Variants in ALMS1 observed in about 807,000 individuals in gnomAD.
The protein encoded by ALMS1 is ALMS1 centrosome and basal body associated protein, also known as centrosome-associated protein ALMS1.
ALMS1 carries 271 observed loss-of-function variants against 352.2 expected under a neutral mutation model. The observed-to-expected ratio is 0.77, with a 90% CI of 0.70 to 0.85. The LOEUF (loss-of-function observed/expected upper bound fraction) is 0.85. Ranked by LOEUF, ALMS1 falls within the 40% of genes least tolerant of loss-of-function variation. The pLI is 0.00. For missense variants in ALMS1, 5,445 were observed against 4,870.7 expected, an observed-to-expected ratio of 1.12 and a Z score of -3.51; for synonymous variants, 1,865 against 1,761.2, an observed-to-expected ratio of 1.06 and a Z score of -1.48.
rs776885474 is a variant in ALMS1, at chr2:73,449,664, A to T, written c.3137A>T (p.Gln1046Leu). ...ADQKTEIPAVQSSSYPQREKP... is the reference protein window; with the variant it reads ...ADQKTEIPAVLSSSYPQREKP... The stretch of plus-strand genomic sequence containing the variant: ...CAGAAGACTGAGATACCAGCAGTAC[A>T]GTCTAGTTCTTACCCACAGAGGGAG... The change falls in exon 8 of 23, where the codon CAG becomes CTG. Residue 1046 changes from glutamine to leucine, a missense_variant. Gln to Leu is a moderately radical substitution (Grantham distance 113). Coordinates refer to ENST00000613296, the MANE Select transcript of ALMS1 (RefSeq NM_001378454.1). 1 of 1,613,738 alleles carries T rather than the reference A, an allele frequency of 6.2e-7. No individual in the cohort carries two copies. The highest frequency in any genetic ancestry group is 8.5e-7 in the Non-Finnish European group (1 of 1,179,900).
At chr2:73,500,994 A>G (rs1259395223) in intron 10 of ALMS1, among the ~76,000 whole-genome samples, 1 of 152,128 alleles carries the variant, frequency 6.6e-6, no homozygotes, top group Non-Finnish European at 1.5e-5. Flanking sequence ...CCTTGCCAAC[A>G]CTGGGTATTA....
chr2:73,434,717 TC>T (rs943946990), intron 7 of ALMS1, among the ~76,000 whole-genome samples: 2 of 152,196 alleles, frequency 1.3e-5, no homozygotes, highest in African/African-American at 2.4e-5. Flanking sequence ...TGTCTATTTC[TC>T]CCCTTTTTTC....
At chr2:73,547,161 G>C (rs1023767102) in intron 12 of ALMS1, among the ~76,000 whole-genome samples, 3 of 152,160 alleles carry the variant, frequency 2.0e-5, no homozygotes, top group Non-Finnish European at 4.4e-5. Flanking sequence ...TAAATGTTCT[G>C]ATTATGTTTA....
intron 9 of ALMS1, among the ~76,000 whole-genome samples, chr2:73,479,430 ATAAC>A (rs1426575236): frequency 6.6e-6 from 1 of 152,182 alleles, no homozygotes; most frequent in Non-Finnish European, 1.5e-5. Flanking sequence ...CTTTGTTTCT[ATAAC>A]TTTGTAATTT....
Position 73,386,103 on chromosome 2 carries a change from T to C in ALMS1, c.235T>C (p.Trp79Arg), listed in dbSNP as rs754662930. 6.3e-7 allele frequency: 1 copy of C among 1,592,266 alleles called. No individual in the cohort carries two copies. The highest frequency in any genetic ancestry group is 1.1e-5 in the South Asian group (1 of 87,410). The part of the protein sequence containing the change: ...DDEEDEEAKA[W>R]LQAHPGRILP... Reference sequence around the variant, plus strand: ...CGAGGAGGACGAGGAGGCCAAGGCCTGGCTGCAGGCGCACCCCGGCAGGAT... The same window carrying C: ...CGAGGAGGACGAGGAGGCCAAGGCCCGGCTGCAGGCGCACCCCGGCAGGAT... The change falls in exon 1 of 23, where the codon TGG becomes CGG. Residue 79 changes from tryptophan to arginine, a missense_variant. Coordinates refer to ENST00000613296, the MANE Select transcript of ALMS1 (RefSeq NM_001378454.1).
chr2:73,599,628 A>C, intron 17 of ALMS1, 107 bp downstream of exon 17: 5 of 1,323,810 alleles, frequency 3.8e-6, no homozygotes. Flanking sequence ...ATAAAACTAT[A>C]TCCAACTGCC....
At chr2:73,485,467 G>A (rs1225130792) in intron 9 of ALMS1, among the ~76,000 whole-genome samples, 1 of 152,230 alleles carries the variant, frequency 6.6e-6, no homozygotes, top group African/African-American at 2.4e-5. Context: ...GAGAACCACT[G>A]CTCTCTTCAA....
At chr2:73,607,028 A>G (rs1217861210) in intron 21 of ALMS1, among the ~76,000 whole-genome samples, 1 of 152,206 alleles carries the variant, frequency 6.6e-6, no homozygotes, top group Non-Finnish European at 1.5e-5. Flanking sequence ...AGATTATAGA[A>G]AACTTTAGGA....
In ALMS1 at chr2:73,450,244, C is replaced by T. The variant is rs1435076239; in HGVS notation, c.3717C>T (p.Tyr1239=). 10 of 1,613,948 alleles carry T rather than the reference C, an allele frequency of 6.2e-6. No individual in the cohort carries two copies. Among genetic ancestry groups the T allele is most frequent in the Admixed American group, 1.7e-5 (1 of 59,990 alleles). The part of the protein sequence containing the change: ...TGTPTPTSAS[Y]SHTEKPGIFY... ...CACCAACTCCAACCTCTGCTTCTTA[C>T]TCACACACAGAGAAGCCTGGTATTT... The change falls in exon 8 of 23, where the codon TAC becomes TAT. Residue 1239 remains tyrosine (Y), a synonymous_variant. Transcript: ENST00000613296.
chr2:73,550,824 T>C (rs374762362), intron 13 of ALMS1, among the ~76,000 whole-genome samples: 2 of 152,064 alleles, frequency 1.3e-5, no homozygotes, highest in Non-Finnish European at 2.9e-5. Context: ...TAGGGAGATA[T>C]GTAGCTGACA....
intron 12 of ALMS1, among the ~76,000 whole-genome samples, chr2:73,536,145 C>T (rs1674023289): frequency 6.6e-6 from 1 of 152,120 alleles, no homozygotes; most frequent in South Asian, 2.1e-4. Context: ...TAATGGCTAC[C>T]AGAAAGAAAA....
chr2:73,457,610 AT>A (rs1672094477), intron 9 of ALMS1, among the ~76,000 whole-genome samples: 1 of 152,166 alleles, frequency 6.6e-6, no homozygotes, highest in African/African-American at 2.4e-5. Context: ...TATTGGAATG[AT>A]TTTTAATCAA....
chr2:73,408,439 A>G (rs948666824), intron 1 of ALMS1, among the ~76,000 whole-genome samples, 183 bp from the exon 2 acceptor site: 1 of 152,236 alleles, frequency 6.6e-6, no homozygotes, highest in Non-Finnish European at 1.5e-5. Flanking sequence ...ATGCAAAAGT[A>G]TGCTGTGTCC....
At chr2:73,454,540 T>C in intron 8 of ALMS1, 1 of 209,950 alleles carries the variant, frequency 4.8e-6, no homozygotes, top group Non-Finnish European at 8.3e-6. Flanking sequence ...CTAATAGAAC[T>C]CTTGGTGTTG....
chr2:73,555,833 A>G (rs888419986), intron 13 of ALMS1, among the ~76,000 whole-genome samples: 6 of 152,170 alleles, frequency 3.9e-5, no homozygotes, highest in Admixed American at 3.9e-4. Flanking sequence ...AATCAAAGAC[A>G]TATATTAATT....
At chr2:73,485,208 A>G (rs1263292237) in intron 9 of ALMS1, among the ~76,000 whole-genome samples, 4 of 151,992 alleles carry the variant, frequency 2.6e-5, no homozygotes, top group Non-Finnish European at 5.9e-5. Flanking sequence ...TTGTGGTTTT[A>G]TCTACTTTTG....
At chr2:73,554,940 G>A (rs1159402408) in intron 13 of ALMS1, among the ~76,000 whole-genome samples, 1 of 151,922 alleles carries the variant, frequency 6.6e-6, no homozygotes, top group Non-Finnish European at 1.5e-5. Flanking sequence ...TAAACAATAC[G>A]GTACTTAGGA....
intron 21 of ALMS1, chr2:73,603,760 T>C (rs964620334): frequency 1.3e-4 from 26 of 192,706 alleles, no homozygotes; most frequent in Admixed American, 8.2e-4. Context: ...CTCAGTAGGC[T>C]GAGCCGGGAG....
chr2:73,472,224 A>G (rs1672482877), intron 9 of ALMS1, among the ~76,000 whole-genome samples: 1 of 152,070 alleles, frequency 6.6e-6, no homozygotes, highest in South Asian at 2.1e-4. Flanking sequence ...TTAGGTAGGT[A>G]TCACAGGCAA....
Sources: gnomAD v4.1 joint callset for allele counts (sites outside exome capture counted in the v4.1 genomes callset) on GRCh38, gnomAD v4.1.1 for gene constraint, MANE v1.5 for transcripts, NCBI Gene and HGNC (gene_info 2026-07-23, HGNC 2026-07-21) for gene names.